WDR47: variants seen among roughly 807,000 people sequenced by gnomAD.
WDR47 encodes the protein WD repeat-containing protein 47.
WDR47 carries 32 observed loss-of-function variants against 97.2 expected under a neutral mutation model. That is an observed-to-expected ratio of 0.33 (90% confidence interval 0.25 to 0.44). The LOEUF (loss-of-function observed/expected upper bound fraction) is 0.44, where lower values mean the gene tolerates loss of function less well. WDR47 is among the 20% of genes least tolerant of loss of function. WDR47 has a pLI of 1.00. For missense variants in WDR47, 782 were observed against 1,102.3 expected (o/e 0.71, Z 4.11); for synonymous variants, 375 against 373.5 (o/e 1.00, Z -0.05).
intron 1 of WDR47, among the ~76,000 whole-genome samples, chr1:109,036,472 T>C (rs1294193183): frequency 6.8e-6 from 1 of 146,208 alleles, no homozygotes; most frequent in Non-Finnish European, 1.5e-5. Flanking sequence ...GAGGTGAAGG[T>C]TGCAGTGAGC....
intron 2 of WDR47, among the ~76,000 whole-genome samples, chr1:109,019,686 C>A (rs1571232090): frequency 6.6e-6 from 1 of 152,116 alleles, no homozygotes; most frequent in African/African-American, 2.4e-5. Flanking sequence ...AGAAACTCTG[C>A]TCTACATTGT....
intron 9 of WDR47, among the ~76,000 whole-genome samples, chr1:108,990,978 A>G (rs757801693): frequency 2.0e-5 from 3 of 151,894 alleles, no homozygotes; most frequent in African/African-American, 7.3e-5. Context: ...CATTAGCAGT[A>G]AAAGTTTGTG....
At chr1:108,974,456 AACC>A in intron 14 of WDR47, 77 bp downstream of exon 14, 1 of 1,097,018 alleles carries the variant, frequency 9.1e-7, no homozygotes, top group South Asian at 1.5e-5. Context: ...TTATATAATC[AACC>A]ACATCACATT....
Position 108,986,660 on chromosome 1 carries a change from C to A in WDR47, c.1788G>T (p.Gln596His). Residue 596 changes from glutamine (Q) to histidine (H), a missense_variant, in exon 10 of 15, where the codon CAG (glutamine) becomes CAT (histidine). Physicochemically the swap from Gln to His is conservative, Grantham distance 24. Transcript: ENST00000369962. Reference protein sequence around the residue: ...KGEEDDKSKKQFVCINILEDT... With the variant: ...KGEEDDKSKKHFVCINILEDT... ...CTTCTAGGATATTAATACAAACAAA[C>A]TGCTTTTTTGATTTGTCATCCTATG... is the stretch of plus-strand genomic sequence containing the variant. 6.2e-7 allele frequency: 1 copy of A among 1,606,648 alleles called. No homozygotes were observed. Among genetic ancestry groups the A allele is most frequent in the Non-Finnish European group, 8.5e-7 (1 of 1,177,328 alleles).
At chr1:109,040,531 T>A (rs1193021233) in intron 1 of WDR47, among the ~76,000 whole-genome samples, 3 of 150,226 alleles carry the variant, frequency 2.0e-5, no homozygotes, top group South Asian at 2.1e-4. Flanking sequence ...AAAAAAAAAA[T>A]TTACATCTTC....
At chr1:108,992,913 AAAT>A in intron 8 of WDR47, 1 of 1,032,598 alleles carries the variant, frequency 9.7e-7, no homozygotes. Flanking sequence ...GGAAATTGCT[AAAT>A]AATATTTTTT....
At chr1:108,975,521 T>G (rs1431663573) in intron 13 of WDR47, among the ~76,000 whole-genome samples, 1 of 151,528 alleles carries the variant, frequency 6.6e-6, no homozygotes, top group Non-Finnish European at 1.5e-5. Context: ...CTCACGATGC[T>G]GAGGCAGGAG....
chr1:109,000,546 C>T (rs913262436), intron 7 of WDR47, among the ~76,000 whole-genome samples: 25 of 140,424 alleles, frequency 1.8e-4, no homozygotes, highest in Non-Finnish European at 2.6e-4. Flanking sequence ...CGTGGTGGCT[C>T]ACACCTGTAA....
chr1:109,011,812 C>T (rs1027201283), intron 4 of WDR47, 94 bp from the exon 5 acceptor site: 9 of 1,152,904 alleles, frequency 7.8e-6, no homozygotes, highest in Middle Eastern at 3.0e-4. Context: ...ATTATATTGC[C>T]ACAGAATACT....
At chr1:108,972,905 C>T (rs1164592226) in intron 14 of WDR47, among the ~76,000 whole-genome samples, 1 of 151,056 alleles carries the variant, frequency 6.6e-6, no homozygotes, top group African/African-American at 2.4e-5. Context: ...GACATTGCAC[C>T]ACTGCGCTCC....
intron 1 of WDR47, among the ~76,000 whole-genome samples, chr1:109,037,869 C>T (rs762842375): frequency 6.6e-6 from 1 of 151,820 alleles, no homozygotes; most frequent in Non-Finnish European, 1.5e-5. Context: ...TTCTTTCTTT[C>T]TCTCTCTTTG....
intron 14 of WDR47, among the ~76,000 whole-genome samples, chr1:108,971,803 C>T (rs1439043255): frequency 5.3e-5 from 8 of 152,116 alleles, no homozygotes; most frequent in Non-Finnish European, 1.2e-4. Context: ...CTCTCTCTCT[C>T]GGAAATTCTC....
At chr1:108,997,446 A>G (rs1239730151) in intron 7 of WDR47, among the ~76,000 whole-genome samples, 2 of 151,296 alleles carry the variant, frequency 1.3e-5, no homozygotes, top group African/African-American at 2.4e-5. Context: ...AAAAAAAAGA[A>G]AAAGAAAAAA....
chr1:108,983,533 T>G, intron 10 of WDR47, 82 bp from the exon 11 acceptor site: 1 of 1,196,592 alleles, frequency 8.4e-7, no homozygotes, highest in Non-Finnish European at 1.1e-6. Context: ...TACTTGTTCT[T>G]GAAGGAAGGA....
chr1:109,003,534 C>T (rs1157219392), intron 6 of WDR47, among the ~76,000 whole-genome samples: 2 of 152,176 alleles, frequency 1.3e-5, no homozygotes, highest in Non-Finnish European at 2.9e-5. Context: ...CAGAGTCTCA[C>T]TCTGTCGCCC....
chr1:108,989,341 A>C (rs1308945162), intron 9 of WDR47, among the ~76,000 whole-genome samples: 1 of 152,178 alleles, frequency 6.6e-6, no homozygotes, highest in African/African-American at 2.4e-5. Context: ...ACCCATAATG[A>C]CTACAGCAAT....
At chr1:108,972,263 T>C (rs376771261) in intron 14 of WDR47, among the ~76,000 whole-genome samples, 29 of 152,166 alleles carry the variant, frequency 1.9e-4, no homozygotes, top group African/African-American at 6.5e-4. Flanking sequence ...ATATCTCAAA[T>C]TTAGTCATTT....
At position 109,011,711 on chromosome 1, in the gene WDR47, A is replaced by T; in HGVS notation, c.335T>A (p.Phe112Tyr). 8.9e-6 allele frequency: 14 copies of T among 1,579,668 alleles called. No individual in the cohort carries two copies. The highest frequency in any genetic ancestry group is 1.1e-5 in the Non-Finnish European group (13 of 1,162,688). Residue 112 changes from phenylalanine (F) to tyrosine (Y), a missense_variant, in exon 5 of 15, where the codon TTT becomes TAT. Physicochemically the swap from Phe to Tyr is conservative, Grantham distance 22 (BLOSUM62 3). Coordinates refer to ENST00000369962, the MANE Select transcript of WDR47 (RefSeq NM_001142551.2). Reference protein sequence around the residue: ...SAEDEPQHLEFTMQEAVQCLH... With the variant: ...SAEDEPQHLEYTMQEAVQCLH... The stretch of plus-strand genomic sequence containing the variant: ...ACATTGCACAGCTTCTTGCATGGTA[A>T]ATTCCAGCTGTAAGAAAAATATAAA...
At chr1:108,979,357 A>G (rs180833200) in intron 13 of WDR47, among the ~76,000 whole-genome samples, 10 of 152,306 alleles carry the variant, frequency 6.6e-5, no homozygotes, top group South Asian at 2.1e-4. Context: ...ACCAAAATTG[A>G]TATATCAAAA....
Sources: allele counts gnomAD v4.1 joint callset (sites outside exome capture counted in the v4.1 genomes callset), GRCh38; gene constraint gnomAD v4.1.1; transcripts MANE v1.5; gene names NCBI Gene and HGNC (gene_info 2026-07-23, HGNC 2026-07-21).